The following SDK1 variants were observed in gnomAD, a reference collection of about 807,000 sequenced individuals.
The protein encoded by SDK1 is sidekick cell adhesion molecule 1.
In SDK1, 157 loss-of-function variants were observed where a neutral mutation model predicts 245.5. The observed-to-expected ratio is 0.64, with a 90% confidence interval of 0.56 to 0.73. SDK1 has a LOEUF of 0.73. Among genes scored for constraint, SDK1 ranks in the 30% least tolerant of loss-of-function variants. The pLI, the probability that SDK1 is intolerant of heterozygous loss-of-function variation, is 0.00. For synonymous variants in SDK1, 1,647 were observed against 1,278.5 expected (o/e 1.29, Z -6.15); for missense variants, 3,583 against 3,002.3 (o/e 1.19, Z -4.52).
chr7:3,868,303 G>C (rs1335649177), intron 5 of SDK1, among the ~76,000 whole-genome samples: 2 of 152,182 alleles, frequency 1.3e-5, no homozygotes, highest in Non-Finnish European at 2.9e-5. Flanking sequence ...TGGTACATGA[G>C]CTGGGAGGAT....
chr7:3,371,527 C>T (rs879481103), intron 1 of SDK1, among the ~76,000 whole-genome samples: 1 of 152,030 alleles, frequency 6.6e-6, no homozygotes, highest in Admixed American at 6.5e-5. Flanking sequence ...GAGATGAAAA[C>T]AGAAACATAC....
At chr7:4,041,287 A>ATTTTT (rs1788616379) in intron 17 of SDK1, among the ~76,000 whole-genome samples, 1 of 110,912 alleles carries the variant, frequency 9.0e-6, no homozygotes, top group African/African-American at 5.5e-5. Flanking sequence ...GTTTTGTTTT[A>ATTTTT]CTTTTTTTTT....
intron 1 of SDK1, among the ~76,000 whole-genome samples, chr7:3,350,694 G>T (rs544813895): frequency 8.5e-5 from 13 of 152,212 alleles, no homozygotes; most frequent in African/African-American, 2.9e-4. Context: ...TTTTCCTGGT[G>T]ATGTCTCATC....
intron 4 of SDK1, 72 bp from the exon 5 acceptor site, chr7:3,821,378 A>T: frequency 6.6e-7 from 1 of 1,521,882 alleles, no homozygotes; most frequent in Non-Finnish European, 8.9e-7. Flanking sequence ...TAGTTGGCCT[A>T]ATTAATTTTG....
intron 28 of SDK1, among the ~76,000 whole-genome samples, chr7:4,139,459 A>G (rs111470801): frequency 0.025 from 3,507 of 142,808 alleles, 588 homozygotes; most frequent in African/African-American, 0.087. Flanking sequence ...GTGTGTGTAT[A>G]TGTATATATG....
At chr7:3,606,179 C>G (rs370612083) in intron 1 of SDK1, among the ~76,000 whole-genome samples, 9 of 152,268 alleles carry the variant, frequency 5.9e-5, no homozygotes, top group Non-Finnish European at 5.9e-5. Context: ...ACAACTACAT[C>G]TTTCTGGTTT....
At chr7:4,227,447 G>C (rs963703450) in intron 40 of SDK1, 1 of 470,626 alleles carries the variant, frequency 2.1e-6, no homozygotes, top group African/African-American at 2.0e-5. Flanking sequence ...TTTTAAATCA[G>C]ATGTATTTAG....
chr7:3,462,333 C>T (rs1372529540), intron 1 of SDK1, among the ~76,000 whole-genome samples: 3 of 152,148 alleles, frequency 2.0e-5, no homozygotes, highest in African/African-American at 7.2e-5. Context: ...TCTCTCTTCC[C>T]CCCTGCCCCG....
At chr7:3,458,855 G>A (rs921510167) in intron 1 of SDK1, among the ~76,000 whole-genome samples, 3 of 152,036 alleles carry the variant, frequency 2.0e-5, no homozygotes, top group African/African-American at 7.2e-5. Context: ...CATTATCACC[G>A]TATCTTAATT....
intron 42 of SDK1, among the ~76,000 whole-genome samples, chr7:4,239,998 A>G (rs1583155098): frequency 1.3e-5 from 2 of 152,214 alleles, no homozygotes; most frequent in East Asian, 3.8e-4. Context: ...ATTTGCTTCT[A>G]TAATGTTAAG....
chr7:3,309,050 G>T (rs989555360), intron 1 of SDK1, among the ~76,000 whole-genome samples: 11 of 152,096 alleles, frequency 7.2e-5, no homozygotes, highest in African/African-American at 2.4e-4. Flanking sequence ...AGTAAGGAGG[G>T]ATTTTGTATC....
chr7:3,394,993 ATTTG>A (rs1781857099), intron 1 of SDK1, among the ~76,000 whole-genome samples: 1 of 151,914 alleles, frequency 6.6e-6, no homozygotes, highest in Non-Finnish European at 1.5e-5. Flanking sequence ...AATGTCTTTT[ATTTG>A]TTTTTCTTGG....
intron 1 of SDK1, among the ~76,000 whole-genome samples, chr7:3,387,158 C>G (rs1165602257): frequency 6.6e-6 from 1 of 152,094 alleles, no homozygotes; most frequent in Non-Finnish European, 1.5e-5. Context: ...CGACTCATAC[C>G]CCCAAGCTAG....
chr7:3,745,556 ATAAT>A (rs1346986413), intron 4 of SDK1, among the ~76,000 whole-genome samples: 12 of 152,138 alleles, frequency 7.9e-5, no homozygotes, highest in Non-Finnish European at 1.3e-4. Flanking sequence ...GTGTGTGTAA[ATAAT>A]TCTAAATTCT....
intron 35 of SDK1, among the ~76,000 whole-genome samples, chr7:4,203,810 C>T (rs527992635): frequency 6.6e-6 from 1 of 152,378 alleles, no homozygotes; most frequent in East Asian, 1.9e-4. Flanking sequence ...TCTCTCTTCC[C>T]TGCTGGTGTC....
chr7:3,630,410 G>A lies in SDK1; in HGVS notation c.459-8594G>A, dbSNP rs117530094. ...AGTTTAGCAACATTACAAGATAGAAGATCAACATATAAGAATTAATTATAT... is the reference window on the plus strand; with the variant it reads ...AGTTTAGCAACATTACAAGATAGAAAATCAACATATAAGAATTAATTATAT... On this transcript the variant is annotated intron_variant, in intron 2 of 44. Transcript: ENST00000404826. Among the ~76,000 whole-genome samples, 103 of 152,274 alleles carry A rather than the reference G, an allele frequency of 6.8e-4. 1 individual carries two copies. The East Asian group carries it at 0.019, about 27-fold the overall frequency.
intron 14 of SDK1, among the ~76,000 whole-genome samples, chr7:4,002,321 G>C (rs1393602599): frequency 6.6e-6 from 1 of 152,178 alleles, no homozygotes; most frequent in Non-Finnish European, 1.5e-5. Flanking sequence ...CTGCATGGAG[G>C]CTGAAATTCT....
intron 4 of SDK1, 126 bp downstream of exon 4, chr7:3,642,231 C>T (rs1708261436): frequency 1.3e-6 from 1 of 789,048 alleles, no homozygotes; most frequent in Non-Finnish European, 1.9e-6. Context: ...TCTAGGAGTC[C>T]TATCCTAATT....
chr7:4,161,906 C>T, intron 32 of SDK1, 50 bp downstream of exon 32: 1 of 1,515,008 alleles, frequency 6.6e-7, no homozygotes, highest in Non-Finnish European at 9.2e-7. Context: ...TTCTCATTTC[C>T]CTGCGCATTC....
Sources: gnomAD v4.1 joint callset for allele counts (sites outside exome capture counted in the v4.1 genomes callset) on GRCh38, gnomAD v4.1.1 for gene constraint, MANE v1.5 for transcripts, NCBI Gene and HGNC (gene_info 2026-07-23, HGNC 2026-07-21) for gene names.